PRKN: variants seen among roughly 807,000 people sequenced by gnomAD.
PRKN encodes parkin RBR E3 ubiquitin protein ligase, also known as E3 ubiquitin-protein ligase parkin.
Under a neutral mutation model 59.5 loss-of-function variants are expected in PRKN, and 56 were observed. That is an observed-to-expected ratio of 0.94 (90% CI 0.76 to 1.18). PRKN has a LOEUF of 1.18. PRKN is among the 50% of genes most tolerant of loss of function. The pLI is 0.00. For synonymous variants in PRKN, 250 were observed against 222.1 expected, an observed-to-expected ratio of 1.13 and a Z score of -1.12; for missense variants, 657 against 596.4, an observed-to-expected ratio of 1.10 and a Z score of -1.06.
At chr6:161,750,146 T>TAC (rs1788626456) in intron 7 of PRKN, among the ~76,000 whole-genome samples, 5 of 146,644 alleles carry the variant, frequency 3.4e-5, no homozygotes, top group Admixed American at 2.0e-4. Context: ...CACACACATA[T>TAC]ATAAATTAGT....
At chr6:162,569,345 G>A in intron 1 of PRKN, 1 of 636,306 alleles carries the variant, frequency 1.6e-6, no homozygotes. Flanking sequence ...GTCCAAGCTG[G>A]AGGCTGCCCT....
At chr6:161,513,473 CTCGT>C (rs35670224) in intron 9 of PRKN, among the ~76,000 whole-genome samples, 120,448 of 150,528 alleles carry the variant, frequency 0.8, 48,493 homozygotes, top group Middle Eastern at 0.87. Flanking sequence ...ATCTCCTGAC[CTCGT>C]TCGTGATCTG....
At chr6:162,207,532 A>G (rs1298804010) in intron 3 of PRKN, among the ~76,000 whole-genome samples, 1 of 152,172 alleles carries the variant, frequency 6.6e-6, no homozygotes, top group East Asian at 1.9e-4. Flanking sequence ...TGGAAAGGTC[A>G]TGCAGCCAAC....
At chr6:162,150,429 C>T (rs77157320) in intron 4 of PRKN, among the ~76,000 whole-genome samples, 3,218 of 152,252 alleles carry the variant, frequency 0.021, 60 homozygotes, top group Non-Finnish European at 0.033. Context: ...CCTCTGCTCC[C>T]GCACACAAGG....
At chr6:161,512,970 T>C (rs994672019) in intron 9 of PRKN, among the ~76,000 whole-genome samples, 1 of 152,198 alleles carries the variant, frequency 6.6e-6, no homozygotes, top group African/African-American at 2.4e-5. Context: ...TTGGGAGTCA[T>C]ACATTAACCT....
At chr6:161,681,315 C>T (rs1226370996) in intron 7 of PRKN, among the ~76,000 whole-genome samples, 10 of 152,128 alleles carry the variant, frequency 6.6e-5, no homozygotes, top group Non-Finnish European at 1.2e-4. Flanking sequence ...ATGCAAAAGA[C>T]GTATTTTTGT....
At chr6:161,877,598 T>C (rs1794780036) in intron 6 of PRKN, among the ~76,000 whole-genome samples, 1 of 151,704 alleles carries the variant, frequency 6.6e-6, no homozygotes, top group Admixed American at 6.6e-5. Flanking sequence ...TAACTGAGAC[T>C]ACAGGTGCCC....
At chr6:162,634,375 A>G (rs1325971939) in intron 1 of PRKN, among the ~76,000 whole-genome samples, 1 of 152,028 alleles carries the variant, frequency 6.6e-6, no homozygotes, top group African/African-American at 2.4e-5. Context: ...CACACCTGTA[A>G]TCCCAGTGCT....
chr6:162,622,301 TTG>T (rs113056939), intron 1 of PRKN, among the ~76,000 whole-genome samples: 25,051 of 138,842 alleles, frequency 0.18, 1,715 homozygotes, highest in East Asian at 0.45. Context: ...GTTTTTTTTT[TTG>T]TTTTGTTTTT....
chr6:161,938,271 G>C lies in PRKN; in HGVS notation c.734+35031C>G, dbSNP rs144823998. Among the ~76,000 whole-genome samples the C allele has an allele frequency of 1.0e-3, 159 of 152,274 alleles. 1 individual carries two copies. The Middle Eastern group carries it at 0.014, about 13-fold the overall frequency. The stretch of plus-strand genomic sequence containing the variant: ...AGACAGGTAAAATCCTGGCACATTA[G>C]AAGCATTAATACATTTTCAGGACTT... On this transcript the variant is annotated intron_variant, in intron 6 of 11. Transcript: ENST00000366898.
At chr6:162,705,972 G>A (rs1013992986) in intron 1 of PRKN, among the ~76,000 whole-genome samples, 2 of 152,082 alleles carry the variant, frequency 1.3e-5, no homozygotes, top group South Asian at 4.1e-4. Context: ...GCAGAAACAC[G>A]GCTTTCTCAG....
At chr6:161,384,692 C>T (rs1490978893) in intron 10 of PRKN, among the ~76,000 whole-genome samples, 1 of 152,226 alleles carries the variant, frequency 6.6e-6, no homozygotes, top group African/African-American at 2.4e-5. Flanking sequence ...CTGGCTTCTG[C>T]AACTTTGCCC....
intron 1 of PRKN, among the ~76,000 whole-genome samples, chr6:162,627,499 T>A (rs904814891): frequency 6.6e-6 from 1 of 152,046 alleles, no homozygotes; most frequent in East Asian, 1.9e-4. Flanking sequence ...AGGAGACTGG[T>A]AGGATCAATT....
intron 4 of PRKN, among the ~76,000 whole-genome samples, chr6:162,152,526 C>T (rs1046124011): frequency 6.6e-6 from 1 of 152,156 alleles, no homozygotes; most frequent in African/African-American, 2.4e-5. Context: ...GCATCAGGAA[C>T]AGTAGTTTAC....
intron 5 of PRKN, among the ~76,000 whole-genome samples, chr6:161,978,126 T>C (rs1781124663): frequency 6.6e-6 from 1 of 152,136 alleles, no homozygotes; most frequent in Non-Finnish European, 1.5e-5. Flanking sequence ...CTTGGCTCAC[T>C]GCAACCTCTG....
At chr6:161,827,845 A>C (rs1370631284) in intron 6 of PRKN, among the ~76,000 whole-genome samples, 1 of 152,160 alleles carries the variant, frequency 6.6e-6, no homozygotes, top group African/African-American at 2.4e-5. Context: ...CACTTGCTCA[A>C]ATTTGGAAAC....
chr6:162,114,065 T>C (rs1780560412), intron 4 of PRKN, among the ~76,000 whole-genome samples: 1 of 151,266 alleles, frequency 6.6e-6, no homozygotes, highest in Non-Finnish European at 1.5e-5. Context: ...TTCTGTTCCA[T>C]TGATCTATAT....
At chr6:161,424,395 G>T (rs1788243442) in intron 9 of PRKN, among the ~76,000 whole-genome samples, 1 of 151,814 alleles carries the variant, frequency 6.6e-6, no homozygotes, top group African/African-American at 2.4e-5. Flanking sequence ...ATCATGGGTG[G>T]GCCAGCTCTG....
intron 6 of PRKN, among the ~76,000 whole-genome samples, chr6:161,964,623 G>T (rs576968513): frequency 1.3e-5 from 2 of 152,080 alleles, no homozygotes; most frequent in Admixed American, 6.5e-5. Context: ...ACATATTTGG[G>T]TCTACTGGGA....
Sources: allele counts gnomAD v4.1 joint callset (sites outside exome capture counted in the v4.1 genomes callset), GRCh38; gene constraint gnomAD v4.1.1; transcripts MANE v1.5; gene names NCBI Gene and HGNC (gene_info 2026-07-23, HGNC 2026-07-21).